CLIP2: variants seen among roughly 807,000 people sequenced by gnomAD.
CLIP2 encodes the protein CAP-Gly domain containing linker protein 2, also known as CAP-Gly domain-containing linker protein 2.
Under a neutral mutation model 111.7 loss-of-function variants are expected in CLIP2, and 41 were observed. The ratio of observed to expected loss-of-function variants is 0.37; its 90% CI spans 0.29 to 0.48. The LOEUF (loss-of-function observed/expected upper bound fraction) is 0.48, where lower values mean the gene tolerates loss of function less well. CLIP2 is among the 20% of genes least tolerant of loss of function. The probability of loss-of-function intolerance (pLI) is 0.99; values close to 1 mark genes in which losing one functional copy is unlikely to be tolerated. For missense variants in CLIP2, 1,160 were observed against 1,422.1 expected (o/e 0.82, Z 2.96); for synonymous variants, 660 against 644.2 (o/e 1.02, Z -0.37).
chr7:74,362,272 G>A (rs1013463069), intron 7 of CLIP2, among the ~76,000 whole-genome samples: 5 of 152,020 alleles, frequency 3.3e-5, no homozygotes, highest in Non-Finnish European at 5.9e-5. Flanking sequence ...CTACCTCCTA[G>A]ATGATGCCCA....
chr7:74,363,966 T>G (rs1315440165), intron 7 of CLIP2, among the ~76,000 whole-genome samples: 1 of 151,810 alleles, frequency 6.6e-6, no homozygotes, highest in Non-Finnish European at 1.5e-5. Context: ...AACAGTGTTG[T>G]CACTCACATC....
chr7:74,372,823 CCTCT>C (rs1177268334), intron 8 of CLIP2, 105 bp from the exon 9 acceptor site: 182 of 507,266 alleles, frequency 3.6e-4, no homozygotes, highest in Admixed American at 1.4e-3. Context: ...GATGACGCCT[CCTCT>C]CTCTCTCTCT....
chr7:74,389,236 C>A lies in CLIP2; in HGVS notation c.2697C>A (p.Ser899Arg). The A allele has an allele frequency of 6.2e-7, 1 of 1,607,232 alleles. No individual in the cohort carries two copies. Among genetic ancestry groups the A allele is most frequent in the Non-Finnish European group, 8.5e-7 (1 of 1,177,224 alleles). ...HDASGQLVLI[S>R]QELLRKERSL... ...CCTCGGGCCAGCTAGTCCTCATCAG[C>A]CAGGAGCTGCTGCGGAAGGAGCGGT... Residue 899 changes from serine to arginine, a missense_variant, in exon 13 of 17, where the codon AGC becomes AGA. Around this residue, in one of 5 missense-constraint regions of CLIP2, gnomAD observed 676 missense variants for 777.8 expected, o/e 0.87. Coordinates refer to ENST00000223398, the MANE Select transcript of CLIP2 (RefSeq NM_003388.5).
At chr7:74,311,015 T>G (rs113329264) in intron 1 of CLIP2, among the ~76,000 whole-genome samples, 112 of 150,950 alleles carry the variant, frequency 7.4e-4, no homozygotes, top group Non-Finnish European at 1.4e-3. Flanking sequence ...AGTCTTGCTC[T>G]GTTGCCCAGG....
chr7:74,333,895 C>G (rs1789371970), intron 2 of CLIP2, among the ~76,000 whole-genome samples: 1 of 152,194 alleles, frequency 6.6e-6, no homozygotes, highest in Non-Finnish European at 1.5e-5. Context: ...CAGGCTGTGC[C>G]CACAGGGAGC....
At chr7:74,302,547 G>A (rs1788368881) in intron 1 of CLIP2, among the ~76,000 whole-genome samples, 1 of 152,210 alleles carries the variant, frequency 6.6e-6, no homozygotes, top group Non-Finnish European at 1.5e-5. Flanking sequence ...TAGTGAGAAA[G>A]GTAGCATGTG....
At chr7:74,295,918 G>GT (rs1340145697) in intron 1 of CLIP2, among the ~76,000 whole-genome samples, 2 of 137,556 alleles carry the variant, frequency 1.5e-5, no homozygotes, top group African/African-American at 5.5e-5. Flanking sequence ...GAACCCAGGA[G>GT]TTTGAGTCTG....
chr7:74,295,015 C>T (rs1554725874), intron 1 of CLIP2, among the ~76,000 whole-genome samples: 1 of 152,130 alleles, frequency 6.6e-6, no homozygotes, highest in African/African-American at 2.4e-5. Context: ...GGCTGGAGTG[C>T]AGTGGCGTGA....
At chr7:74,398,744 C>T (rs1400365098) in intron 14 of CLIP2, among the ~76,000 whole-genome samples, 1 of 146,942 alleles carries the variant, frequency 6.8e-6, no homozygotes, top group Non-Finnish European at 1.5e-5. Context: ...TGCCGGCCTT[C>T]AAGTCCTGGC....
chr7:74,398,215 C>T (rs1031168598), intron 14 of CLIP2, among the ~76,000 whole-genome samples: 3 of 151,878 alleles, frequency 2.0e-5, no homozygotes, highest in African/African-American at 7.2e-5. Flanking sequence ...AAAAATTAGC[C>T]GGGCATGGTG....
At chr7:74,319,938 G>A (rs1788899125) in intron 2 of CLIP2, among the ~76,000 whole-genome samples, 1 of 151,854 alleles carries the variant, frequency 6.6e-6, no homozygotes, top group Non-Finnish European at 1.5e-5. Flanking sequence ...AAGAGTGGTG[G>A]GGGCTGGGCA....
intron 3 of CLIP2, 110 bp downstream of exon 3, chr7:74,339,114 G>C: frequency 2.9e-6 from 3 of 1,029,010 alleles, no homozygotes; most frequent in East Asian, 2.6e-5. Flanking sequence ...GGACTCGAAG[G>C]GGGCTCGGAC....
chr7:74,322,141 GCAA>G (rs1354525367), intron 2 of CLIP2, among the ~76,000 whole-genome samples: 2 of 151,190 alleles, frequency 1.3e-5, no homozygotes, highest in Admixed American at 6.6e-5. Context: ...ACAGGCATGT[GCAA>G]CAACACCGGC....
chr7:74,322,310 T>C (rs1788981422), intron 2 of CLIP2, among the ~76,000 whole-genome samples: 1 of 151,670 alleles, frequency 6.6e-6, no homozygotes, highest in African/African-American at 2.4e-5. Context: ...TAATCTTTTT[T>C]TTTTAAGAGA....
At chr7:74,311,318 C>T (rs782058624) in intron 1 of CLIP2, among the ~76,000 whole-genome samples, 5 of 152,104 alleles carry the variant, frequency 3.3e-5, no homozygotes, top group Admixed American at 6.6e-5. Flanking sequence ...AACTGTTTTC[C>T]GAAGTGATTG....
chr7:74,364,684 T>G, intron 8 of CLIP2: 1 of 357,420 alleles, frequency 2.8e-6, no homozygotes, highest in Non-Finnish European at 5.5e-6. Flanking sequence ...TGGCTGAAAG[T>G]AGCTTGCTGA....
chr7:74,310,036 CAAAAAAAAAAAAAAAAAAAAAAAAAAA>C (rs71094774), intron 1 of CLIP2, among the ~76,000 whole-genome samples: 86 of 92,466 alleles, frequency 9.3e-4, no homozygotes, highest in Non-Finnish European at 1.1e-3. Context: ...CCTGTCTCTA[CAAAAAAAAAAAAAAAAAAAAAAAAAAA>C]AAAAAAAAAA....
intron 8 of CLIP2, among the ~76,000 whole-genome samples, chr7:74,371,895 T>G (rs371302838): frequency 2.6e-5 from 4 of 152,162 alleles, no homozygotes; most frequent in African/African-American, 9.7e-5. Flanking sequence ...AATCAGGTGA[T>G]GTCCGTTTAC....
chr7:74,360,298 C>A lies in CLIP2; in HGVS notation c.1319+20C>A. ...GAGGAGGTACGTGCTGGCCCACCCT[C>A]GCCCTGGCCCTGAGTCCCCTTAAGG... On this transcript the variant is annotated intron_variant, in intron 7 of 16. Transcript: ENST00000223398. The A allele has an allele frequency of 6.4e-7, 1 of 1,554,452 alleles. No individual in the cohort carries two copies. Among genetic ancestry groups the A allele is most frequent in the South Asian group, 1.2e-5 (1 of 85,162 alleles).
Sources: gnomAD v4.1 joint callset for allele counts (sites outside exome capture counted in the v4.1 genomes callset) on GRCh38, gnomAD v4.1.1 for gene constraint, gnomAD v4.1.1 regional missense constraint, MANE v1.5 for transcripts, NCBI Gene and HGNC (gene_info 2026-07-23, HGNC 2026-07-21) for gene names.